Variants in FSTL5 observed in about 807,000 individuals in gnomAD.
FSTL5 encodes follistatin-related protein 5.
FSTL5 carries 62 observed loss-of-function variants against 89.1 expected under a neutral mutation model. That is an observed-to-expected ratio of 0.70 (90% CI 0.57 to 0.86). The LOEUF is 0.86. Among genes scored for constraint, FSTL5 ranks in the 40% least tolerant of loss-of-function variants. The pLI, the probability that FSTL5 is intolerant of heterozygous loss-of-function variation, is 0.00. For synonymous variants in FSTL5, 383 were observed against 346.2 expected (o/e 1.11, Z -1.18); for missense variants, 1,057 against 1,001.6 (o/e 1.06, Z -0.75).
chr4:162,076,855 T>C (rs1025053829), intron 2 of FSTL5, among the ~76,000 whole-genome samples: 2 of 151,820 alleles, frequency 1.3e-5, no homozygotes, highest in Non-Finnish European at 2.9e-5. Context: ...AATTGAACCA[T>C]ATAGGTTGCT....
chr4:161,538,236 G>T lies in FSTL5; in HGVS notation c.1242C>A (p.Ile414=), dbSNP rs777513850. Residue 414 remains isoleucine (I), a synonymous_variant, in exon 10 of 16, where the codon ATC becomes ATA. Transcript: ENST00000306100. ...RYEDTGAYTC[I]AKNEAGVDED... ...CATCCACTCCTGCTTCATTCTTTGC[G>T]ATACAAGTGTATGCTCCAGTATCTT... The T allele has an allele frequency of 4.3e-6, 7 of 1,613,778 alleles. No individual in the cohort carries two copies. Among genetic ancestry groups the T allele is most frequent in the African/African-American group, 1.3e-5 (1 of 74,900 alleles).
At chr4:161,636,797 A>AT (rs1360476995) in intron 7 of FSTL5, among the ~76,000 whole-genome samples, 202 of 140,526 alleles carry the variant, frequency 1.4e-3, no homozygotes, top group African/African-American at 5.4e-3. Flanking sequence ...TGAACTCATC[A>AT]TTTTTTATGG....
chr4:162,140,607 G>A (rs1016459269), intron 1 of FSTL5, among the ~76,000 whole-genome samples: 5 of 147,808 alleles, frequency 3.4e-5, no homozygotes, highest in Non-Finnish European at 7.6e-5. Flanking sequence ...ACAGATGAGT[G>A]AAATTGCCTG....
At chr4:161,444,584 G>A (rs1388819111) in intron 15 of FSTL5, among the ~76,000 whole-genome samples, 3 of 151,774 alleles carry the variant, frequency 2.0e-5, no homozygotes, top group African/African-American at 7.3e-5. Flanking sequence ...TGGCTTTAAG[G>A]TAGACTTTGA....
At chr4:161,649,584 A>G (rs1483957673) in intron 7 of FSTL5, among the ~76,000 whole-genome samples, 1 of 152,252 alleles carries the variant, frequency 6.6e-6, no homozygotes, top group East Asian at 1.9e-4. Flanking sequence ...TAATCAATTC[A>G]GAAAAACAAA....
intron 3 of FSTL5, among the ~76,000 whole-genome samples, chr4:162,017,895 A>G (rs1205802959): frequency 6.6e-6 from 1 of 152,026 alleles, no homozygotes; most frequent in Non-Finnish European, 1.5e-5. Flanking sequence ...ATATTGTCCA[A>G]CTCATTATAC....
intron 2 of FSTL5, among the ~76,000 whole-genome samples, chr4:162,066,151 T>C (rs1401583640): frequency 6.6e-6 from 1 of 152,060 alleles, no homozygotes; most frequent in African/African-American, 2.4e-5. Context: ...TTTTCTGTTA[T>C]TTGATTCTTT....
intron 6 of FSTL5, among the ~76,000 whole-genome samples, chr4:161,700,597 G>T (rs1008627828): frequency 1.3e-5 from 2 of 151,780 alleles, no homozygotes; most frequent in African/African-American, 4.8e-5. Context: ...GGGTGGTCTC[G>T]AATTCCTAGG....
At position 162,110,210 on chromosome 4, in the gene FSTL5, T is replaced by C. The variant is rs530204964; in HGVS notation, c.126+1061A>G. On this transcript the variant is annotated intron_variant, in intron 2 of 15. Coordinates refer to ENST00000306100, the MANE Select transcript of FSTL5 (RefSeq NM_020116.5). ...TATCCCAATTAATATATTTAATAAATGTGTGCATTTAGAAAATTCCTTCAC... is the reference window on the plus strand; with the variant it reads ...TATCCCAATTAATATATTTAATAAACGTGTGCATTTAGAAAATTCCTTCAC... Among the ~76,000 whole-genome samples, 4 of 152,122 alleles carry C rather than the reference T, an allele frequency of 2.6e-5. No homozygotes were observed. In the South Asian group the frequency reaches 8.3e-4, roughly 32 times the overall value.
chr4:161,401,732 T>G (rs1209042359), intron 15 of FSTL5, among the ~76,000 whole-genome samples: 1 of 152,068 alleles, frequency 6.6e-6, no homozygotes, highest in Non-Finnish European at 1.5e-5. Context: ...TTTCACCGTG[T>G]TAGCCAGGAT....
chr4:162,120,607 A>G (rs13135854), intron 1 of FSTL5, among the ~76,000 whole-genome samples: 44,060 of 151,900 alleles, frequency 0.29, 6,568 homozygotes, highest in Middle Eastern at 0.37. Flanking sequence ...TATTCTTTAC[A>G]TAATTGAAAA....
chr4:161,562,295 A>G (rs532329571), intron 8 of FSTL5, among the ~76,000 whole-genome samples: 10 of 151,958 alleles, frequency 6.6e-5, no homozygotes, highest in African/African-American at 1.7e-4. Context: ...CACACGCAGG[A>G]TGATTTTGAC....
At chr4:161,689,037 A>T (rs1737836106) in intron 6 of FSTL5, among the ~76,000 whole-genome samples, 1 of 152,140 alleles carries the variant, frequency 6.6e-6, no homozygotes, top group Admixed American at 6.6e-5. Flanking sequence ...TTTTGTTGGG[A>T]AGCATTTATG....
chr4:161,775,270 A>T (rs1183704581), intron 5 of FSTL5, among the ~76,000 whole-genome samples: 1 of 152,170 alleles, frequency 6.6e-6, no homozygotes, highest in Admixed American at 6.5e-5. Context: ...CAGTGCTGTC[A>T]TCATTTTTCT....
intron 6 of FSTL5, among the ~76,000 whole-genome samples, chr4:161,753,010 T>C (rs764840880): frequency 2.6e-5 from 4 of 152,126 alleles, no homozygotes; most frequent in Non-Finnish European, 5.9e-5. Flanking sequence ...GAGAAATAAA[T>C]TTCCATTGTT....
At chr4:161,887,392 CATCTATCTATCT>C (rs60103951) in intron 4 of FSTL5, among the ~76,000 whole-genome samples, 39,670 of 132,942 alleles carry the variant, frequency 0.3, 5,552 homozygotes, top group Middle Eastern at 0.35. Flanking sequence ...CTCTATCTAT[CATCTATCTATCT>C]ATCTATCTAT....
intron 11 of FSTL5, 44 bp downstream of exon 11, chr4:161,510,354 A>G (rs1190405416): frequency 1.2e-5 from 15 of 1,288,182 alleles, no homozygotes; most frequent in Non-Finnish European, 1.6e-5. Flanking sequence ...TCTAATAATA[A>G]TCAAGCAAAA....
intron 6 of FSTL5, among the ~76,000 whole-genome samples, chr4:161,685,816 G>A (rs1737690638): frequency 6.6e-6 from 1 of 152,088 alleles, no homozygotes; most frequent in Non-Finnish European, 1.5e-5. Context: ...AGTGGTGAGA[G>A]TGGGCATCCT....
chr4:161,903,269 C>T (rs1292463064), intron 4 of FSTL5, among the ~76,000 whole-genome samples: 1 of 152,004 alleles, frequency 6.6e-6, no homozygotes, highest in African/African-American at 2.4e-5. Context: ...GTGACTGTCC[C>T]TGAGTGTTCT....
Sources: gnomAD v4.1 joint callset for allele counts (sites outside exome capture counted in the v4.1 genomes callset) on GRCh38, gnomAD v4.1.1 for gene constraint, MANE v1.5 for transcripts, NCBI Gene and HGNC (gene_info 2026-07-23, HGNC 2026-07-21) for gene names.